Variants in ZFHX3 observed in about 807,000 individuals in gnomAD.
The protein encoded by ZFHX3 is zinc finger homeobox protein 3.
A neutral mutation model predicts 279.1 loss-of-function variants in ZFHX3; 42 were observed. That is an observed-to-expected ratio of 0.15 (90% confidence interval 0.12 to 0.19). ZFHX3 has a LOEUF of 0.19. Among genes scored for constraint, ZFHX3 ranks in the 10% least tolerant of loss-of-function variants. The pLI, the probability that ZFHX3 is intolerant of heterozygous loss-of-function variation, is 1.00. For missense variants in ZFHX3, 4,981 were observed against 4,754.0 expected (o/e 1.05, Z -1.40); for synonymous variants, 2,293 against 1,957.8 (o/e 1.17, Z -4.52).
chr16:73,214,624 T>C (rs553093467), intron 5 of ZFHX3, among the ~76,000 whole-genome samples: 2 of 152,284 alleles, frequency 1.3e-5, no homozygotes, highest in East Asian at 1.9e-4. Context: ...ATCCCAGACA[T>C]CTGAGTTCAC....
rs747060827 is a variant in ZFHX3 at position 72,794,035 on chromosome 16, T to G, written c.8647A>C (p.Met2883Leu). The G allele has an allele frequency of 3.1e-6, 5 of 1,614,100 alleles. No homozygotes were observed. The Admixed American group carries it at 6.7e-5, about 22-fold the overall frequency. Reference sequence around the variant, plus strand: ...GACAACCGATCTTCATACTCAGACATTGCCATCATGGCCGCTTTGGTCAAC... The same window carrying G: ...GACAACCGATCTTCATACTCAGACAGTGCCATCATGGCCGCTTTGGTCAAC... ...EGLTKAAMMA[M>L]SEYEDRLSSG... The change falls in exon 9 of 10, where the codon ATG (methionine) becomes CTG (leucine). Residue 2883 changes from methionine (M) to leucine (L), a missense_variant. Transcript: ENST00000268489. The surrounding 1 kb of genome is among the most constrained non-coding windows in gnomAD (Gnocchi z 4.2).
At chr16:73,504,493 G>C (rs1302631074) in intron 2 of ZFHX3, 1 of 152,060 alleles carries the variant, frequency 6.6e-6, no homozygotes, top group Non-Finnish European at 1.5e-5. Flanking sequence ...GCAAAAACAT[G>C]GTAGCTTAAA....
chr16:73,132,319 T>C (rs1371151493), intron 6 of ZFHX3, among the ~76,000 whole-genome samples: 1 of 152,192 alleles, frequency 6.6e-6, no homozygotes, highest in African/African-American at 2.4e-5. Context: ...CACTTGGTCC[T>C]TTAAAACTTT....
chr16:73,321,192 T>G (rs1308417931), intron 3 of ZFHX3, among the ~76,000 whole-genome samples: 1 of 152,214 alleles, frequency 6.6e-6, no homozygotes, highest in Admixed American at 6.5e-5. Flanking sequence ...GATAGAACAT[T>G]GCTCTCTAAA....
chr16:73,766,581 A>C (rs1263378461), intron 1 of ZFHX3, among the ~76,000 whole-genome samples: 1 of 152,166 alleles, frequency 6.6e-6, no homozygotes, highest in Non-Finnish European at 1.5e-5. Context: ...GAAAACGACA[A>C]AATTCAAGAA....
At chr16:73,354,053 A>G (rs951276690) in intron 3 of ZFHX3, among the ~76,000 whole-genome samples, 1 of 152,208 alleles carries the variant, frequency 6.6e-6, no homozygotes, top group Non-Finnish European at 1.5e-5. Context: ...TATGGGACCA[A>G]AATCTAACCA....
At chr16:73,600,102 C>T (rs1447102364) in intron 2 of ZFHX3, among the ~76,000 whole-genome samples, 5 of 152,142 alleles carry the variant, frequency 3.3e-5, no homozygotes, top group Non-Finnish European at 7.3e-5. Flanking sequence ...CTGAGATGTT[C>T]TTTGTATCAG....
At chr16:72,814,130 T>C (rs1040184016) in intron 5 of ZFHX3, among the ~76,000 whole-genome samples, 1 of 152,160 alleles carries the variant, frequency 6.6e-6, no homozygotes, top group Non-Finnish European at 1.5e-5. Context: ...ACCTTCTCTA[T>C]TGTGAACTCC....
At chr16:73,225,698 C>T (rs187312169) in intron 5 of ZFHX3, among the ~76,000 whole-genome samples, 1 of 152,298 alleles carries the variant, frequency 6.6e-6, no homozygotes, top group African/African-American at 2.4e-5. Context: ...CTAACTTGGT[C>T]CTTTGATGTG....
intron 1 of ZFHX3, among the ~76,000 whole-genome samples, chr16:73,734,181 A>C (rs535746609): frequency 3.9e-5 from 6 of 152,138 alleles, no homozygotes; most frequent in African/African-American, 1.4e-4. Context: ...GGCTGGCTTC[A>C]CCCACCCTCC....
intron 1 of ZFHX3, among the ~76,000 whole-genome samples, chr16:73,683,562 A>C (rs1429593828): frequency 1.3e-5 from 2 of 152,094 alleles, no homozygotes; most frequent in Admixed American, 1.3e-4. Flanking sequence ...TTTTTTTAAG[A>C]CAGAGTTTCT....
intron 1 of ZFHX3, among the ~76,000 whole-genome samples, chr16:73,749,974 G>C (rs2053746160): frequency 1.3e-5 from 2 of 152,156 alleles, no homozygotes; most frequent in South Asian, 4.1e-4. Flanking sequence ...GCAGTAAACA[G>C]GCTAGTGCCT....
In ZFHX3 at chr16:73,093,720, G is replaced by A. The variant is rs115352411; in HGVS notation, c.-896-122C>T. 1.8e-3 allele frequency: 381 copies of A among 212,690 alleles called. 1 individual carries two copies. The highest frequency in any genetic ancestry group is 8.4e-3 in the African/African-American group (369 of 44,114). 13.2% of individuals were successfully genotyped at this position (212,690 alleles called of 1,614,324 possible). ...CTCACCATAATGCCCTCCTGGCGGC[G>A]TTCCCAGGAAAATTCTAACTAATCA... is the stretch of plus-strand genomic sequence containing the variant. On this transcript the variant is annotated intron_variant, in intron 7 of 17. Coordinates refer to the ZFHX3 transcript ENST00000641206.
At chr16:72,891,066 A>T (rs937265047) in intron 3 of ZFHX3, among the ~76,000 whole-genome samples, 3 of 152,238 alleles carry the variant, frequency 2.0e-5, no homozygotes, top group African/African-American at 4.8e-5. Flanking sequence ...GTTTGTATTT[A>T]AAACCACAGT....
At chr16:73,514,231 G>T (rs1380958949) in intron 2 of ZFHX3, among the ~76,000 whole-genome samples, 1 of 151,978 alleles carries the variant, frequency 6.6e-6, no homozygotes, top group Non-Finnish European at 1.5e-5. Context: ...CTGGGTGACA[G>T]AGCAAGACTC....
chr16:72,960,259 T>G, intron 1 of ZFHX3, 65 bp from the exon 2 acceptor site: 1 of 1,324,392 alleles, frequency 7.6e-7, no homozygotes, highest in Non-Finnish European at 1.0e-6. Context: ...GGAAAGAGGT[T>G]AGGAGGGCCG....
At chr16:73,039,482 C>T (rs897257336) in intron 1 of ZFHX3, among the ~76,000 whole-genome samples, 1 of 152,106 alleles carries the variant, frequency 6.6e-6, no homozygotes, top group South Asian at 2.1e-4. Context: ...TTTGCCTCCC[C>T]AAGGGACAGT....
At chr16:73,185,242 A>C (rs965252718) in intron 5 of ZFHX3, among the ~76,000 whole-genome samples, 2 of 152,284 alleles carry the variant, frequency 1.3e-5, no homozygotes, top group Non-Finnish European at 2.9e-5. Context: ...TTTCTTGAAC[A>C]CCTACTATGT....
At chr16:73,095,117 G>A (rs371146416) in intron 7 of ZFHX3, among the ~76,000 whole-genome samples, 83 of 151,836 alleles carry the variant, frequency 5.5e-4, no homozygotes, top group African/African-American at 1.9e-3. Context: ...AGAGACAAGG[G>A]TCTTGCTGTG....
Sources: allele counts gnomAD v4.1 joint callset (sites outside exome capture counted in the v4.1 genomes callset), GRCh38; gene constraint gnomAD v4.1.1; non-coding constraint Gnocchi (gnomAD v3.1); transcripts MANE v1.5; gene names NCBI Gene and HGNC (gene_info 2026-07-23, HGNC 2026-07-21).